DCAF6: variants seen among roughly 807,000 people sequenced by gnomAD.
The protein encoded by DCAF6 is DDB1- and CUL4-associated factor 6.
DCAF6 carries 54 observed loss-of-function variants against 125.1 expected under a neutral mutation model. That is an observed-to-expected ratio of 0.43 (90% CI 0.35 to 0.54). DCAF6 has a LOEUF of 0.54. Among genes scored for constraint, DCAF6 ranks in the 20% least tolerant of loss-of-function variants. The pLI is 0.01. For missense variants in DCAF6, 934 were observed against 1,161.7 expected, an observed-to-expected ratio of 0.80 and a Z score of 2.85; for synonymous variants, 371 against 390.4, an observed-to-expected ratio of 0.95 and a Z score of 0.58.
At position 168,066,440 on chromosome 1, in the gene DCAF6, T is replaced by G. The variant is rs1692343092; in HGVS notation, c.2660T>G (p.Ile887Ser). The G allele has an allele frequency of 2.5e-6, 4 of 1,609,436 alleles. No homozygotes were observed. Among genetic ancestry groups the G allele is most frequent in the Non-Finnish European group, 2.5e-6 (3 of 1,176,886 alleles). ...KIWSPLEESR[I>S]FNRKLADEVI... ...TGGTCACCATTAGAAGAGTCAAGGA[T>G]TTTTAACCGAAAACTTGCTGATGAA... The change falls in exon 20 of 22, where the codon ATT (isoleucine) becomes AGT (serine). Residue 887 changes from isoleucine to serine, a missense_variant. Physicochemically the swap from Ile to Ser is moderately radical, Grantham distance 142. Transcript: ENST00000367840.
intron 1 of DCAF6, among the ~76,000 whole-genome samples, chr1:167,942,231 ATGT>A (rs60990671): frequency 0.1 from 15,679 of 151,962 alleles, 894 homozygotes; most frequent in African/African-American, 0.14. Context: ...TGCCCAGCTA[ATGT>A]TGTATTTTTA....
chr1:167,966,733 T>TA lies in DCAF6; in HGVS notation c.252+18dup. The TA allele has an allele frequency of 6.7e-7, 1 of 1,482,360 alleles. No individual in the cohort carries two copies. The highest frequency in any genetic ancestry group is 2.3e-5 in the East Asian group (1 of 44,096). 91.8% of individuals were successfully genotyped at this position (1,482,360 alleles called of 1,614,324 possible). On this transcript the variant is annotated intron_variant, in intron 3 of 21. Transcript: ENST00000367840. ...CTTACAGCAGAAAGGTAAAGTAGTT[T>TA]AAAAAATCTGTAATTTAATGAGAGA...
At chr1:167,901,897 T>A in the DCAF6 span, 1 of 1,609,966 alleles carries the variant, frequency 6.2e-7, no homozygotes. Context: ...TCATCAAGCA[T>A]TCCTCAGCCT....
At chr1:168,006,044 A>T (rs1683286030) in intron 10 of DCAF6, among the ~76,000 whole-genome samples, 1 of 152,166 alleles carries the variant, frequency 6.6e-6, no homozygotes, top group African/African-American at 2.4e-5. Context: ...ATTCTTGAAC[A>T]TATTGATCAA....
At chr1:167,883,577 T>TCGTCACTGGG in the DCAF6 span, 1 of 1,614,210 alleles carries the variant, frequency 6.2e-7, no homozygotes, top group East Asian at 2.2e-5. Flanking sequence ...ACAAACACAA[T>TCGTCACTGGG]CGTCACTGGG....
At chr1:167,975,103 T>A (rs1457799999) in intron 4 of DCAF6, 88 bp downstream of exon 4, 1 of 740,524 alleles carries the variant, frequency 1.4e-6, no homozygotes. Flanking sequence ...TGTGTGTACA[T>A]GTACAGATGT....
chr1:168,018,883 C>T (rs1685313728), intron 11 of DCAF6, among the ~76,000 whole-genome samples: 1 of 152,084 alleles, frequency 6.6e-6, no homozygotes, highest in African/African-American at 2.4e-5. Flanking sequence ...TGACCTTGGG[C>T]AGGTCATTTG....
intron 10 of DCAF6, among the ~76,000 whole-genome samples, chr1:168,006,819 C>T (rs1571906148): frequency 6.6e-6 from 1 of 152,248 alleles, no homozygotes; most frequent in African/African-American, 2.4e-5. Context: ...CATGTCCTCC[C>T]TCATTTTTAC....
chr1:167,951,990 A>C, intron 2 of DCAF6, 129 bp downstream of exon 2: 1 of 544,142 alleles, frequency 1.8e-6, no homozygotes, highest in Non-Finnish European at 3.2e-6. Context: ...TTTTACATTA[A>C]AATATAAAAT....
At chr1:168,049,794 T>C (rs1386494885) in intron 16 of DCAF6, among the ~76,000 whole-genome samples, 2 of 151,036 alleles carry the variant, frequency 1.3e-5, no homozygotes, top group African/African-American at 4.9e-5. Flanking sequence ...TAGCTGGGAC[T>C]ACAGGCGCCT....
chr1:167,881,041 C>T, the DCAF6 span, among the ~76,000 whole-genome samples: 1 of 152,144 alleles, frequency 6.6e-6, no homozygotes, highest in Non-Finnish European at 1.5e-5. Flanking sequence ...TAGGAACTTC[C>T]GTTTATCTCT....
At chr1:168,043,223 T>C in intron 14 of DCAF6, 83 bp downstream of exon 14, 1 of 1,048,736 alleles carries the variant, frequency 9.5e-7, no homozygotes, top group East Asian at 2.5e-5. Context: ...GATGCTGTAT[T>C]TTGTTTCTTG....
chr1:167,917,814 T>G, the DCAF6 span: 1 of 152,258 alleles, frequency 6.6e-6, no homozygotes, highest in South Asian at 2.1e-4. Context: ...TAAAAGAATT[T>G]TATACAACAT....
chr1:168,012,672 A>G (rs921077104), intron 10 of DCAF6, among the ~76,000 whole-genome samples: 11 of 152,218 alleles, frequency 7.2e-5, no homozygotes, highest in African/African-American at 2.7e-4. Context: ...TTTTAATTCA[A>G]TACTTGCTTT....
At chr1:167,955,338 A>G (rs1442042783) in intron 2 of DCAF6, among the ~76,000 whole-genome samples, 1 of 152,156 alleles carries the variant, frequency 6.6e-6, no homozygotes. Flanking sequence ...CTTAACTGTT[A>G]AGAAACCAGT....
At chr1:167,918,178 C>T in the DCAF6 span, 64,750 of 582,894 alleles carry the variant, frequency 0.11, 4,671 homozygotes, top group African/African-American at 0.28. Context: ...AAGTTTGCTG[C>T]ATTTTTCTAT....
the DCAF6 span, among the ~76,000 whole-genome samples, chr1:167,914,871 C>T: frequency 1.5e-4 from 23 of 151,784 alleles, no homozygotes; most frequent in Middle Eastern, 3.2e-3. Flanking sequence ...CTGTGTACTT[C>T]CAAATGTTGT....
At chr1:167,894,510 G>T in the DCAF6 span, among the ~76,000 whole-genome samples, 1 of 152,006 alleles carries the variant, frequency 6.6e-6, no homozygotes, top group Non-Finnish European at 1.5e-5. Context: ...TATGCTCTAG[G>T]ATAGACTGAT....
chr1:168,056,446 A>T (rs1690846437), intron 17 of DCAF6: 4 of 1,229,602 alleles, frequency 3.3e-6, no homozygotes, highest in Non-Finnish European at 4.1e-6. Flanking sequence ...CGGGGGTCGC[A>T]GCGCTACGCC....
Sources: gnomAD v4.1 joint callset for allele counts (sites outside exome capture counted in the v4.1 genomes callset) on GRCh38, gnomAD v4.1.1 for gene constraint, MANE v1.5 for transcripts, NCBI Gene and HGNC (gene_info 2026-07-23, HGNC 2026-07-21) for gene names.